UGT1A10: variants seen among roughly 807,000 people sequenced by gnomAD.
UGT1A10 encodes the protein UDP glucuronosyltransferase family 1 member A10.
In UGT1A10, 49 loss-of-function variants were observed where a neutral mutation model predicts 45.8. The observed-to-expected ratio is 1.07, with a 90% CI of 0.85 to 1.36. The LOEUF (loss-of-function observed/expected upper bound fraction) is 1.36. Ranked by LOEUF, UGT1A10 falls within the 40% of genes most tolerant of loss-of-function variation. The pLI, the probability that UGT1A10 is intolerant of heterozygous loss-of-function variation, is 0.00. For synonymous variants in UGT1A10, 284 were observed against 249.7 expected (o/e 1.14, Z -1.29); for missense variants, 745 against 668.6 (o/e 1.11, Z -1.26).
At chr2:233,715,160 A>T (rs1169794492) in intron 1 of UGT1A10, among the ~76,000 whole-genome samples, 1 of 152,210 alleles carries the variant, frequency 6.6e-6, no homozygotes, top group Non-Finnish European at 1.5e-5. Flanking sequence ...TGCTGGAATT[A>T]CAGGCGCGAG....
chr2:233,640,328 C>CG (rs1485223573), intron 1 of UGT1A10, among the ~76,000 whole-genome samples: 4 of 151,962 alleles, frequency 2.6e-5, no homozygotes, highest in African/African-American at 9.7e-5. Flanking sequence ...TTTAAAGAAA[C>CG]TTTTTGGCTG....
chr2:233,663,930 A>G (rs2074025587), intron 1 of UGT1A10, among the ~76,000 whole-genome samples: 1 of 152,166 alleles, frequency 6.6e-6, no homozygotes, highest in Admixed American at 6.5e-5. Flanking sequence ...ATAACTTCCA[A>G]CTTTAAGTCA....
At chr2:233,761,199 A>G (rs767135825) in intron 1 of UGT1A10, 6 of 1,614,054 alleles carry the variant, frequency 3.7e-6, no homozygotes, top group Admixed American at 1.7e-5. Flanking sequence ...TTTCAGATGT[A>G]TTACTTTGGA....
At chr2:233,764,109 T>C (rs1698482048) in intron 1 of UGT1A10, among the ~76,000 whole-genome samples, 2 of 152,214 alleles carry the variant, frequency 1.3e-5, no homozygotes, top group African/African-American at 2.4e-5. Flanking sequence ...TACAAAATTC[T>C]TGGTAAAGTT....
At chr2:233,643,786 C>T (rs188286747) in intron 1 of UGT1A10, among the ~76,000 whole-genome samples, 1 of 152,224 alleles carries the variant, frequency 6.6e-6, no homozygotes, top group East Asian at 1.9e-4. Flanking sequence ...AGGACTGGGC[C>T]CTTTCTTTTA....
At chr2:233,717,513 G>C (rs867962435) in intron 1 of UGT1A10, among the ~76,000 whole-genome samples, 30 of 152,358 alleles carry the variant, frequency 2.0e-4, no homozygotes, top group Non-Finnish European at 3.5e-4. Context: ...TCTAATGGGA[G>C]TAACTTCCTC....
At chr2:233,726,774 A>G (rs1289365787) in intron 1 of UGT1A10, among the ~76,000 whole-genome samples, 2 of 152,220 alleles carry the variant, frequency 1.3e-5, no homozygotes, top group African/African-American at 4.8e-5. Flanking sequence ...CTAAGCTTAA[A>G]GTGAAACCCA....
At position 233,682,414 on chromosome 2, in the gene UGT1A10, A is replaced by G. The variant is rs139969318; in HGVS notation, c.855+45037A>G. The G allele has an allele frequency of 2.9e-5, 47 of 1,613,848 alleles. No individual in the cohort carries two copies. The East Asian group carries it at 9.4e-4, about 32-fold the overall frequency. On this transcript the variant is annotated intron_variant, in intron 1 of 4. Transcript: ENST00000344644. Reference sequence around the variant, plus strand: ...ATGCCTGTGGCTTAATTGTTGCCAAATATTTCTCCCTCCCCTCTGTGGTCT... The same window carrying G: ...ATGCCTGTGGCTTAATTGTTGCCAAGTATTTCTCCCTCCCCTCTGTGGTCT...
intron 1 of UGT1A10, chr2:233,693,223 C>A: frequency 6.2e-7 from 1 of 1,614,176 alleles, no homozygotes; most frequent in South Asian, 1.1e-5. Context: ...CCAAATACTA[C>A]ACAAGAAAAA....
chr2:233,748,180 G>T (rs1460619178), intron 1 of UGT1A10: 22 of 1,578,250 alleles, frequency 1.4e-5, no homozygotes, highest in Non-Finnish European at 1.9e-5. Flanking sequence ...TCTTTCTGGT[G>T]CTTTTATTTC....
Position 233,748,426 on chromosome 2 carries a change from G to A in UGT1A10, c.856-18608G>A, listed in dbSNP as rs1479085626. Among the ~76,000 whole-genome samples the A allele has an allele frequency of 3.3e-5, 5 of 151,758 alleles. 1 individual carries two copies. The highest frequency in any genetic ancestry group is 7.3e-5 in the African/African-American group (3 of 41,072). ...CACTACATTGAGACTTGACCCATCTGGATTTTTTGTTTGCACAATTTTCAG... is the reference window on the plus strand; with the variant it reads ...CACTACATTGAGACTTGACCCATCTAGATTTTTTGTTTGCACAATTTTCAG... On this transcript the variant is annotated intron_variant, in intron 1 of 4. Transcript: ENST00000344644.
intron 1 of UGT1A10, chr2:233,671,809 T>C: frequency 8.0e-7 from 1 of 1,248,340 alleles, no homozygotes; most frequent in South Asian, 1.9e-5. Context: ...AGTGACTGAT[T>C]TTTTTTTTAT....
intron 1 of UGT1A10, among the ~76,000 whole-genome samples, chr2:233,764,316 C>G (rs1044416342): frequency 6.6e-6 from 1 of 152,124 alleles, no homozygotes; most frequent in Non-Finnish European, 1.5e-5. Context: ...TTAAGGGAAG[C>G]TTTGCCAAGT....
intron 1 of UGT1A10, among the ~76,000 whole-genome samples, chr2:233,751,652 T>C (rs1459670013): frequency 2.0e-5 from 3 of 152,194 alleles, no homozygotes; most frequent in Non-Finnish European, 2.9e-5. Context: ...GCTGTTCTCA[T>C]CCTACTGAGT....
chr2:233,743,988 C>A (rs893316227), intron 1 of UGT1A10: 2 of 1,273,412 alleles, frequency 1.6e-6, no homozygotes, highest in Non-Finnish European at 1.0e-6. Flanking sequence ...CAGGCGCAGG[C>A]CCGAGTGCTC....
chr2:233,668,992 G>C (rs950924964), intron 1 of UGT1A10, among the ~76,000 whole-genome samples: 1 of 152,216 alleles, frequency 6.6e-6, no homozygotes, highest in African/African-American at 2.4e-5. Flanking sequence ...TTTGTCTGAT[G>C]TTTTGATTAT....
intron 1 of UGT1A10, among the ~76,000 whole-genome samples, chr2:233,733,426 T>C (rs1228976842): frequency 1.3e-5 from 2 of 152,226 alleles, no homozygotes; most frequent in African/African-American, 4.8e-5. Context: ...GCCTACTCAG[T>C]ATGATATTGG....
intron 1 of UGT1A10, among the ~76,000 whole-genome samples, chr2:233,686,016 A>T (rs565898309): frequency 2.6e-5 from 4 of 152,216 alleles, no homozygotes; most frequent in African/African-American, 9.6e-5. Flanking sequence ...CTTGATTTTC[A>T]TCATGGTGCC....
In UGT1A10 at chr2:233,756,630, T is replaced by C. The variant is rs563087338; in HGVS notation, c.856-10404T>C. On this transcript the variant is annotated intron_variant, in intron 1 of 4. Transcript: ENST00000344644. ...CATTAAGACTTGCAGGCCGTGTGTA[T>C]AGCACTGGGGATAAACATGGGATGC... Among the ~76,000 whole-genome samples the C allele has an allele frequency of 2.1e-3, 314 of 152,296 alleles. 12 individuals carry two copies. In the South Asian group the frequency reaches 0.063, roughly 31 times the overall value.
Sources: gnomAD v4.1 joint callset for allele counts (sites outside exome capture counted in the v4.1 genomes callset) on GRCh38, gnomAD v4.1.1 for gene constraint, MANE v1.5 for transcripts, NCBI Gene and HGNC (gene_info 2026-07-23, HGNC 2026-07-21) for gene names.